Variants in ANKRD13C observed in about 807,000 individuals in gnomAD.
ANKRD13C encodes the protein ankyrin repeat domain-containing protein 13C.
In ANKRD13C, 16 loss-of-function variants were observed where a neutral mutation model predicts 65.5. The ratio of observed to expected loss-of-function variants is 0.24; its 90% confidence interval spans 0.17 to 0.37. ANKRD13C has a LOEUF of 0.37. Among genes scored for constraint, ANKRD13C ranks in the 10% least tolerant of loss-of-function variants. The pLI is 1.00. For missense variants in ANKRD13C, 503 were observed against 655.9 expected (o/e 0.77, Z 2.55); for synonymous variants, 235 against 238.7 (o/e 0.98, Z 0.14).
intron 1 of ANKRD13C, among the ~76,000 whole-genome samples, chr1:70,338,660 A>G (rs1277421897): frequency 6.6e-6 from 1 of 152,094 alleles, no homozygotes; most frequent in Admixed American, 6.6e-5. Flanking sequence ...TTGGCCTCCC[A>G]AAGTGCTGGG....
chr1:70,274,727 T>A lies in ANKRD13C; in HGVS notation c.1387A>T (p.Ile463Leu). ...AGTTAGTAACAAACTTACAACTCTATCCCTAAGGGAAATTCCTGGCTCATG... is the reference window on the plus strand; with the variant it reads ...AGTTAGTAACAAACTTACAACTCTAACCCTAAGGGAAATTCCTGGCTCATG... Reference protein sequence around the residue: ...IAMSQEFPLGIELLLNVLEVV... With the variant: ...IAMSQEFPLGLELLLNVLEVV... The change falls in exon 11 of 13, where the codon ATA (isoleucine) becomes TTA (leucine). Residue 463 changes from isoleucine (I) to leucine (L), a missense_variant. Physicochemically the swap from Ile to Leu is conservative, Grantham distance 5. Transcript: ENST00000370944. 6.2e-7 allele frequency: 1 copy of A among 1,609,346 alleles called. No homozygotes were observed. The highest frequency in any genetic ancestry group is 8.5e-7 in the Non-Finnish European group (1 of 1,175,736).
At chr1:70,337,967 C>T (rs1162383981) in intron 1 of ANKRD13C, among the ~76,000 whole-genome samples, 1 of 152,002 alleles carries the variant, frequency 6.6e-6, no homozygotes, top group Non-Finnish European at 1.5e-5. Flanking sequence ...GGGGTGGTGG[C>T]GCATGCCTGT....
intron 9 of ANKRD13C, among the ~76,000 whole-genome samples, chr1:70,277,319 G>T (rs982035585): frequency 1.3e-5 from 2 of 152,112 alleles, no homozygotes; most frequent in African/African-American, 4.8e-5. Flanking sequence ...TTATCCGGGC[G>T]TGATGGTGAG....
chr1:70,265,773 C>T (rs1327874133), intron 12 of ANKRD13C, among the ~76,000 whole-genome samples: 3 of 134,602 alleles, frequency 2.2e-5, no homozygotes, highest in Non-Finnish European at 4.6e-5. Flanking sequence ...TGCAGTGAGC[C>T]GAGATCATGC....
At chr1:70,268,603 TGTATGGGGTGTTGGAA>T (rs1678735476) in intron 12 of ANKRD13C, among the ~76,000 whole-genome samples, 1 of 152,180 alleles carries the variant, frequency 6.6e-6, no homozygotes, top group South Asian at 2.1e-4. Context: ...CAGAAAAATC[TGTATGGGGTGTTGGAA>T]GTAGTGAGGG....
chr1:70,312,670 A>T (rs893818364), intron 5 of ANKRD13C, among the ~76,000 whole-genome samples: 2 of 151,434 alleles, frequency 1.3e-5, no homozygotes, highest in Non-Finnish European at 2.9e-5. Context: ...CTGTCTCCAA[A>T]AAAAAAAAAA....
At chr1:70,333,746 G>A (rs925639323) in intron 2 of ANKRD13C, among the ~76,000 whole-genome samples, 11 of 152,148 alleles carry the variant, frequency 7.2e-5, no homozygotes, top group African/African-American at 1.7e-4. Flanking sequence ...AGTCAATCAC[G>A]AAAAAGGAGA....
In ANKRD13C at chr1:70,259,382, G is replaced by A. The variant is rs567323239; in HGVS notation, c.*3335C>T. Reference sequence around the variant, plus strand: ...ATTTTGCTTCAATATTTTTCAGTGTGTGGAAAAAGCAAAATTGTAATTCTA... The same window carrying A: ...ATTTTGCTTCAATATTTTTCAGTGTATGGAAAAAGCAAAATTGTAATTCTA... On this transcript the variant is annotated 3_prime_UTR_variant, in exon 13 of 13. Transcript: ENST00000370944. Among the ~76,000 whole-genome samples, 8 of 152,256 alleles carry A rather than the reference G, an allele frequency of 5.3e-5. No homozygotes were observed. In the South Asian group the frequency reaches 1.0e-3, roughly 20 times the overall value.
chr1:70,282,625 G>A (rs1177145610), intron 9 of ANKRD13C, among the ~76,000 whole-genome samples: 1 of 152,150 alleles, frequency 6.6e-6, no homozygotes, highest in East Asian at 1.9e-4. Context: ...ATGTAGCAAT[G>A]GCTTATCAGT....
chr1:70,319,186 A>T (rs1681200239), intron 3 of ANKRD13C, among the ~76,000 whole-genome samples: 1 of 152,166 alleles, frequency 6.6e-6, no homozygotes, highest in African/African-American at 2.4e-5. Context: ...TTTTGCAGAG[A>T]CTGGAAATTG....
At chr1:70,290,698 C>T (rs527850241) in intron 9 of ANKRD13C, among the ~76,000 whole-genome samples, 105 of 151,848 alleles carry the variant, frequency 6.9e-4, no homozygotes, top group South Asian at 2.7e-3. Context: ...CATGCCACTG[C>T]GCACAGCTGA....
intron 1 of ANKRD13C, among the ~76,000 whole-genome samples, chr1:70,347,997 T>C (rs1216085595): frequency 6.6e-6 from 1 of 152,166 alleles, no homozygotes; most frequent in Non-Finnish European, 1.5e-5. Flanking sequence ...AAACTACTAA[T>C]GTTCTTTTAA....
At chr1:70,284,540 G>C (rs1015047025) in intron 9 of ANKRD13C, among the ~76,000 whole-genome samples, 1 of 152,062 alleles carries the variant, frequency 6.6e-6, no homozygotes. Context: ...GCTAAGACGT[G>C]TTAATACCTG....
At chr1:70,291,946 C>G (rs1391311418) in intron 9 of ANKRD13C, among the ~76,000 whole-genome samples, 1 of 152,028 alleles carries the variant, frequency 6.6e-6, no homozygotes, top group Non-Finnish European at 1.5e-5. Flanking sequence ...TGATAAAACC[C>G]TGTCTCTACT....
intron 1 of ANKRD13C, among the ~76,000 whole-genome samples, 175 bp from the exon 2 acceptor site, chr1:70,336,274 TTC>T (rs1210727277): frequency 1.3e-5 from 2 of 152,154 alleles, no homozygotes; most frequent in Non-Finnish European, 2.9e-5. Context: ...ATACCATGAT[TTC>T]TGAGTACAAT....
At chr1:70,350,737 C>T (rs141210053) in intron 1 of ANKRD13C, among the ~76,000 whole-genome samples, 55 of 152,300 alleles carry the variant, frequency 3.6e-4, no homozygotes, top group African/African-American at 1.3e-3. Flanking sequence ...GAAATACTTA[C>T]AAAGAGGTTC....
chr1:70,344,293 C>G (rs1682433820), intron 1 of ANKRD13C, among the ~76,000 whole-genome samples: 1 of 86,914 alleles, frequency 1.2e-5, no homozygotes, highest in Admixed American at 1.3e-4. Flanking sequence ...AAGATTCCAT[C>G]TCAAAAAAAA....
chr1:70,338,007 G>T (rs1682125145), intron 1 of ANKRD13C, among the ~76,000 whole-genome samples: 1 of 152,108 alleles, frequency 6.6e-6, no homozygotes, highest in East Asian at 1.9e-4. Context: ...GCTGAGGCAG[G>T]AGAATCGCTT....
In ANKRD13C at chr1:70,283,897, T is replaced by C. The variant is rs188025263; in HGVS notation, c.1216-7053A>G. On this transcript the variant is annotated intron_variant, in intron 9 of 12. Coordinates refer to ENST00000370944, the MANE Select transcript of ANKRD13C (RefSeq NM_030816.5). The stretch of plus-strand genomic sequence containing the variant: ...ATAGTTGGCACAGTATAAGTGCTTT[T>C]ATCAATGACTCTAAGGTATAAACGG... Among the ~76,000 whole-genome samples the C allele has an allele frequency of 7.7e-3, 1,169 of 152,296 alleles. 17 individuals are homozygous for C. The highest frequency in any genetic ancestry group is 0.027 in the African/African-American group (1,113 of 41,552).
Sources: gnomAD v4.1 joint callset for allele counts (sites outside exome capture counted in the v4.1 genomes callset) on GRCh38, gnomAD v4.1.1 for gene constraint, MANE v1.5 for transcripts, NCBI Gene and HGNC (gene_info 2026-07-23, HGNC 2026-07-21) for gene names.